Variants in NDST4 observed in about 807,000 individuals in gnomAD.
NDST4 encodes the protein N-heparan sulfate sulfotransferase 4.
A neutral mutation model predicts 100.8 loss-of-function variants in NDST4; 63 were observed. The ratio of observed to expected loss-of-function variants is 0.62; its 90% CI spans 0.51 to 0.77. The LOEUF is 0.77. NDST4 is among the 30% of genes least tolerant of loss of function. The pLI is 0.00. For synonymous variants in NDST4, 377 were observed against 361.8 expected, an observed-to-expected ratio of 1.04 and a Z score of -0.48; for missense variants, 943 against 1,018.4, an observed-to-expected ratio of 0.93 and a Z score of 1.01.
chr4:114,936,421 G>A (rs1389670395), intron 5 of NDST4, among the ~76,000 whole-genome samples: 2 of 152,052 alleles, frequency 1.3e-5, no homozygotes, highest in African/African-American at 2.4e-5. Flanking sequence ...CACAGATGGC[G>A]ATTAGATAGA....
chr4:114,932,219 T>C (rs1725530552), intron 6 of NDST4, among the ~76,000 whole-genome samples: 3 of 151,910 alleles, frequency 2.0e-5, no homozygotes, highest in Admixed American at 2.0e-4. Context: ...TGATAAACCA[T>C]ATTAATAAGA....
intron 2 of NDST4, among the ~76,000 whole-genome samples, chr4:115,034,819 G>A (rs1302760950): frequency 1.3e-5 from 2 of 152,056 alleles, no homozygotes; most frequent in African/African-American, 4.8e-5. Flanking sequence ...TCTTTAAGAT[G>A]CATGACTATT....
intron 2 of NDST4, among the ~76,000 whole-genome samples, chr4:114,997,381 CTA>C (rs1727187695): frequency 6.6e-6 from 1 of 151,898 alleles, no homozygotes; most frequent in Non-Finnish European, 1.5e-5. Context: ...ACCCAAGTTG[CTA>C]AAGGAAAAAT....
chr4:114,894,013 T>A (rs1470194828), intron 6 of NDST4, among the ~76,000 whole-genome samples: 1 of 152,154 alleles, frequency 6.6e-6, no homozygotes, highest in Non-Finnish European at 1.5e-5. Flanking sequence ...CCCCATTGCT[T>A]GTTTTTGTCA....
At chr4:114,926,034 G>A (rs1376228835) in intron 6 of NDST4, among the ~76,000 whole-genome samples, 2 of 152,100 alleles carry the variant, frequency 1.3e-5, no homozygotes, top group Non-Finnish European at 2.9e-5. Flanking sequence ...GGACTACCTG[G>A]TGTAAGCTGT....
At chr4:114,992,107 G>A (rs950695068) in intron 2 of NDST4, among the ~76,000 whole-genome samples, 5 of 151,682 alleles carry the variant, frequency 3.3e-5, no homozygotes, top group Non-Finnish European at 5.9e-5. Context: ...CACAATTAAC[G>A]AACCAATATT....
chr4:115,049,516 C>CT (rs1728539512), intron 2 of NDST4, among the ~76,000 whole-genome samples: 1 of 152,066 alleles, frequency 6.6e-6, no homozygotes, highest in African/African-American at 2.4e-5. Context: ...GACCAAACAT[C>CT]TTTTTCAGGT....
chr4:114,949,651 C>T (rs986139426), intron 4 of NDST4, among the ~76,000 whole-genome samples: 1 of 151,990 alleles, frequency 6.6e-6, no homozygotes, highest in African/African-American at 2.4e-5. Context: ...AAGGGCAGAG[C>T]CCCAGCAATA....
At position 114,856,346 on chromosome 4, in the gene NDST4, C is replaced by G. The variant is rs560391464; in HGVS notation, c.1720-3525G>C. On this transcript the variant is annotated intron_variant, in intron 7 of 13. Coordinates refer to ENST00000264363, the MANE Select transcript of NDST4 (RefSeq NM_022569.3). ...CCCAAGGTGCTGGGATTAGCATGAG[C>G]CACTGTGCCTGGCCAATAAGCAAAT... Among the ~76,000 whole-genome samples, 16 of 152,142 alleles carry G rather than the reference C, an allele frequency of 1.1e-4. No individual in the cohort carries two copies. The South Asian group carries it at 3.3e-3, about 32-fold the overall frequency.
At chr4:114,922,627 T>C (rs1291594852) in intron 6 of NDST4, among the ~76,000 whole-genome samples, 1 of 152,174 alleles carries the variant, frequency 6.6e-6, no homozygotes, top group Admixed American at 6.5e-5. Flanking sequence ...CACTCTGCCT[T>C]ATGCCCCTTG....
intron 3 of NDST4, among the ~76,000 whole-genome samples, chr4:114,976,476 A>T (rs1031510939): frequency 1.3e-5 from 2 of 151,994 alleles, no homozygotes; most frequent in Non-Finnish European, 2.9e-5. Context: ...TTCAGAAAAT[A>T]AAAAGTCAGC....
chr4:114,897,082 T>C (rs1233027322), intron 6 of NDST4, among the ~76,000 whole-genome samples: 2 of 152,148 alleles, frequency 1.3e-5, no homozygotes, highest in African/African-American at 4.8e-5. Context: ...TGACACATCA[T>C]TATTACCCAG....
intron 12 of NDST4, among the ~76,000 whole-genome samples, chr4:114,831,102 G>T (rs1439080432): frequency 6.6e-6 from 1 of 151,410 alleles, no homozygotes. Context: ...CCGGACTGCG[G>T]ACTGCAGTGG....
At chr4:114,906,109 ATAAT>A in intron 6 of NDST4, among the ~76,000 whole-genome samples, 1 of 152,142 alleles carries the variant, frequency 6.6e-6, no homozygotes, top group African/African-American at 2.4e-5. Flanking sequence ...GAGTCATAAC[ATAAT>A]TAACTATAAA....
chr4:114,935,638 A>C (rs928472660), intron 5 of NDST4, among the ~76,000 whole-genome samples: 3 of 152,160 alleles, frequency 2.0e-5, no homozygotes, highest in African/African-American at 7.2e-5. Context: ...GGTTAAGTTC[A>C]CCCAAAGATG....
intron 6 of NDST4, among the ~76,000 whole-genome samples, chr4:114,908,749 G>A (rs554677082): frequency 3.3e-5 from 5 of 152,038 alleles, no homozygotes; most frequent in African/African-American, 7.2e-5. Context: ...ACGTACACAC[G>A]GGAGACTTTC....
In NDST4 at chr4:114,862,931, T is replaced by C. The variant is rs184155731; in HGVS notation, c.1719+7837A>G. ...CGGTATGTTCCTCAATATAGGCAGA[T>C]TGTCTTTTTTTGTAACTGCAATCCT... On this transcript the variant is annotated intron_variant, in intron 7 of 13. Transcript: ENST00000264363. Among the ~76,000 whole-genome samples, 149 of 152,290 alleles carry C rather than the reference T, an allele frequency of 9.8e-4. 1 individual carries two copies. Among genetic ancestry groups the C allele is most frequent in the African/African-American group, 3.4e-3 (141 of 41,584 alleles).
intron 2 of NDST4, among the ~76,000 whole-genome samples, chr4:115,004,054 T>C (rs967412200): frequency 6.6e-6 from 1 of 152,132 alleles, no homozygotes; most frequent in Non-Finnish European, 1.5e-5. Flanking sequence ...TTTCTTTACT[T>C]ATTGACATGT....
intron 4 of NDST4, among the ~76,000 whole-genome samples, chr4:114,970,137 C>G (rs528037889): frequency 6.8e-6 from 1 of 147,712 alleles, no homozygotes; most frequent in Admixed American, 6.6e-5. Context: ...ACTATTTTTT[C>G]ATCTTCATAG....
Sources: allele counts gnomAD v4.1 joint callset (sites outside exome capture counted in the v4.1 genomes callset), GRCh38; gene constraint gnomAD v4.1.1; transcripts MANE v1.5; gene names NCBI Gene and HGNC (gene_info 2026-07-23, HGNC 2026-07-21).